SMAD2: variants seen among roughly 807,000 people sequenced by gnomAD.
SMAD2 encodes SMAD family member 2.
Under a neutral mutation model 64.4 loss-of-function variants are expected in SMAD2, and 8 were observed. The ratio of observed to expected loss-of-function variants is 0.12; its 90% CI spans 0.07 to 0.22. SMAD2 has a LOEUF of 0.22. Among genes scored for constraint, SMAD2 ranks in the 10% least tolerant of loss-of-function variants. The pLI, the probability that SMAD2 is intolerant of heterozygous loss-of-function variation, is 1.00. For missense variants in SMAD2, 289 were observed against 561.2 expected (o/e 0.51, Z 4.90); for synonymous variants, 203 against 195.8 (o/e 1.04, Z -0.31).
chr18:47,907,526 CA>C (rs372608870), intron 1 of SMAD2, among the ~76,000 whole-genome samples: 97 of 152,344 alleles, frequency 6.4e-4, no homozygotes, highest in African/African-American at 2.2e-3. Flanking sequence ...GACAGAAGCA[CA>C]AAGTACCTTT....
At chr18:47,916,667 G>GTT (rs143145625) in intron 1 of SMAD2, among the ~76,000 whole-genome samples, 2,618 of 152,300 alleles carry the variant, frequency 0.017, 65 homozygotes, top group African/African-American at 0.059. Flanking sequence ...GCCTCCCAAA[G>GTT]TGGTAGCCAC....
rs1233651846 is a variant in SMAD2 at position 47,835,591 on chromosome 18, T to TATA, written c.*6233_*6235dup. The TATA allele has an allele frequency of 5.1e-6, 1 of 194,588 alleles. No individual in the cohort carries two copies. Among genetic ancestry groups the TATA allele is most frequent in the Non-Finnish European group, 1.1e-5 (1 of 93,426 alleles). 12.1% of individuals were successfully genotyped at this position (194,588 alleles called of 1,614,324 possible). ...ACAGACAAATGCTAAAAACCAGCTT[T>TATA]ATAATAACAGCATTATAAAGGATAG... On this transcript the variant is annotated 3_prime_UTR_variant, in exon 11 of 11. Coordinates refer to ENST00000262160, the MANE Select transcript of SMAD2 (RefSeq NM_005901.6).
At position 47,836,114 on chromosome 18, in the gene SMAD2, G is replaced by A; in HGVS notation, c.*5713C>T. On this transcript the variant is annotated 3_prime_UTR_variant, in exon 11 of 11. Transcript: ENST00000262160. The stretch of plus-strand genomic sequence containing the variant: ...CGAGATCACCTGTGGGTCAAGGATG[G>A]CCCAGAGAATCTTGGAAAATCCATT... 1 of 217,328 alleles carries A rather than the reference G, an allele frequency of 4.6e-6. No individual in the cohort carries two copies. The highest frequency in any genetic ancestry group is 6.8e-5 in the East Asian group (1 of 14,708). The allele number at this position is 217,328 out of a possible 1,614,324, so 13.5% of individuals were successfully genotyped here. A position where few individuals can be genotyped will look rare whatever the true frequency, so the allele number is the denominator to read the frequency against.
chr18:47,855,315 A>C (rs1872676913), intron 6 of SMAD2, among the ~76,000 whole-genome samples: 1 of 152,226 alleles, frequency 6.6e-6, no homozygotes, highest in African/African-American at 2.4e-5. Context: ...GCTGCTATGA[A>C]CATCAATCTG....
At chr18:47,894,954 C>T (rs1027426751) in intron 2 of SMAD2, among the ~76,000 whole-genome samples, 6 of 152,202 alleles carry the variant, frequency 3.9e-5, no homozygotes, top group African/African-American at 1.4e-4. Flanking sequence ...CTGTTTACTT[C>T]GTGTGCTAGC....
At chr18:47,914,124 T>C (rs993542617) in intron 1 of SMAD2, among the ~76,000 whole-genome samples, 2 of 152,216 alleles carry the variant, frequency 1.3e-5, no homozygotes, top group South Asian at 4.1e-4. Context: ...CAACAGTGCA[T>C]ACTCTTTCCA....
intron 1 of SMAD2, among the ~76,000 whole-genome samples, chr18:47,904,766 G>A (rs183619758): frequency 6.6e-5 from 10 of 152,244 alleles, no homozygotes; most frequent in South Asian, 2.1e-4. Context: ...AGGAGAAAAC[G>A]CACCTATGAT....
intron 1 of SMAD2, among the ~76,000 whole-genome samples, chr18:47,901,258 T>C (rs538519772): frequency 1.3e-5 from 2 of 152,322 alleles, no homozygotes; most frequent in Non-Finnish European, 2.9e-5. Flanking sequence ...CTATAAAATG[T>C]AGTTCTCTTT....
chr18:47,865,891 T>C (rs1412926382), intron 5 of SMAD2, among the ~76,000 whole-genome samples: 1 of 152,234 alleles, frequency 6.6e-6, no homozygotes, highest in Non-Finnish European at 1.5e-5. Context: ...AAAACATGTA[T>C]ACAATTTAAT....
At chr18:47,908,109 T>C (rs1320601053) in intron 1 of SMAD2, among the ~76,000 whole-genome samples, 1 of 152,230 alleles carries the variant, frequency 6.6e-6, no homozygotes, top group Admixed American at 6.5e-5. Flanking sequence ...CCAATGCACA[T>C]TACAAATTTC....
chr18:47,865,345 C>T (rs1238991092), intron 5 of SMAD2, among the ~76,000 whole-genome samples: 1 of 152,078 alleles, frequency 6.6e-6, no homozygotes, highest in Non-Finnish European at 1.5e-5. Context: ...TAATAAAATC[C>T]TACTCTCTGG....
At position 47,816,272 on chromosome 18, in the gene SMAD2, GAAAA is replaced by G. The variant is rs1483632897; in HGVS notation, c.*25551_*25554del. The G allele has an allele frequency of 2.0e-5, 3 of 151,888 alleles. No homozygotes were observed. Among genetic ancestry groups the G allele is most frequent in the Non-Finnish European group, 4.4e-5 (3 of 67,962 alleles). The allele number at this position is 151,888 out of a possible 1,614,324, so 9.4% of individuals were successfully genotyped here. A position where few individuals can be genotyped will look rare whatever the true frequency, so the allele number is the denominator to read the frequency against. ...ATTGTTCAGAAGTTTTAGGTCTTAT[GAAAA>G]AAAGATTTTTATAAATTATACACAA... On this transcript the variant is annotated 3_prime_UTR_variant, in exon 11 of 11. Coordinates refer to ENST00000262160, the MANE Select transcript of SMAD2 (RefSeq NM_005901.6).
At position 47,889,585 on chromosome 18, in the gene SMAD2, C is replaced by T. The variant is rs187027176; in HGVS notation, c.236+6936G>A. Among the ~76,000 whole-genome samples, 3 of 152,208 alleles carry T rather than the reference C, an allele frequency of 2.0e-5. No homozygotes were observed. In the East Asian group the frequency reaches 5.8e-4, roughly 29 times the overall value. ...AGGAGATCGAGACCATCCTGGCTAACACGGTGAAACTCCGTCTCTACTAAA... is the reference window on the plus strand; with the variant it reads ...AGGAGATCGAGACCATCCTGGCTAATACGGTGAAACTCCGTCTCTACTAAA... On this transcript the variant is annotated intron_variant, in intron 2 of 10. Coordinates refer to ENST00000262160, the MANE Select transcript of SMAD2 (RefSeq NM_005901.6).
At chr18:47,906,710 G>A (rs1028255756) in intron 1 of SMAD2, among the ~76,000 whole-genome samples, 7 of 152,262 alleles carry the variant, frequency 4.6e-5, no homozygotes, top group South Asian at 2.1e-4. Flanking sequence ...GAGTGTCTGA[G>A]GGGAAGTTCG....
chr18:47,908,713 C>T (rs1275125935), intron 1 of SMAD2, among the ~76,000 whole-genome samples: 1 of 152,114 alleles, frequency 6.6e-6, no homozygotes, highest in Non-Finnish European at 1.5e-5. Context: ...ATAATTTCAT[C>T]GCCACCTCCT....
At position 47,869,370 on chromosome 18, in the gene SMAD2, T is replaced by C. The variant is rs552945104; in HGVS notation, c.393A>G (p.Leu131=). 21 of 1,612,934 alleles carry C rather than the reference T, an allele frequency of 1.3e-5. No individual in the cohort carries two copies. The Admixed American group carries it at 1.3e-4, about 10-fold the overall frequency. The stretch of plus-strand genomic sequence containing the variant: ...GACTGTGAAGATCAGGCCAGCGCCA[T>C]AATCGGCAATATATAACATGTGGCA... ...KGLPHVIYCR[L]WRWPDLHSHH... The change falls in exon 4 of 11, where the codon TTA becomes TTG. Residue 131 remains leucine, a synonymous_variant. Coordinates refer to ENST00000262160, the MANE Select transcript of SMAD2 (RefSeq NM_005901.6).
At chr18:47,920,873 G>A (rs929020978) in intron 1 of SMAD2, among the ~76,000 whole-genome samples, 1 of 152,108 alleles carries the variant, frequency 6.6e-6, no homozygotes, top group African/African-American at 2.4e-5. Flanking sequence ...TCAGACACCC[G>A]GCCAGGCACA....
intron 2 of SMAD2, among the ~76,000 whole-genome samples, chr18:47,881,535 C>G (rs892690747): frequency 6.6e-6 from 1 of 152,166 alleles, no homozygotes; most frequent in Non-Finnish European, 1.5e-5. Flanking sequence ...ATGTCATCTA[C>G]AAACAGAATT....
chr18:47,841,947 C>T lies in SMAD2; in HGVS notation c.1284G>A (p.Arg428=), dbSNP rs2144277155. ...FVKGWGAEYR[R]QTVTSTPCWI... is the part of the protein sequence containing the mutation. Reference sequence around the variant, plus strand: ...AGCAAGGAGTACTTGTTACCGTCTGCCTTCTGTTTAAAAGAATACAGGAAA... The same window carrying T: ...AGCAAGGAGTACTTGTTACCGTCTGTCTTCTGTTTAAAAGAATACAGGAAA... The change falls in exon 11 of 11, where the codon AGG becomes AGA. Residue 428 remains arginine (R), a synonymous_variant. Transcript: ENST00000262160. The T allele has an allele frequency of 6.2e-7, 1 of 1,614,084 alleles. No individual in the cohort carries two copies. The highest frequency in any genetic ancestry group is 8.5e-7 in the Non-Finnish European group (1 of 1,179,984).
Sources: allele counts gnomAD v4.1 joint callset (sites outside exome capture counted in the v4.1 genomes callset), GRCh38; gene constraint gnomAD v4.1.1; transcripts MANE v1.5; gene names NCBI Gene and HGNC (gene_info 2026-07-23, HGNC 2026-07-21).